RBFOX1: variants seen among roughly 807,000 people sequenced by gnomAD.
RBFOX1 encodes RNA binding fox-1 homolog 1, also known as RNA binding protein fox-1 homolog 1.
Under a neutral mutation model 57.7 loss-of-function variants are expected in RBFOX1, and 8 were observed. The ratio of observed to expected loss-of-function variants is 0.14; its 90% CI spans 0.08 to 0.25. The LOEUF is 0.25. Ranked by LOEUF, RBFOX1 falls within the 10% of genes least tolerant of loss-of-function variation. The pLI is 1.00. For missense variants in RBFOX1, 611 were observed against 548.5 expected, an observed-to-expected ratio of 1.11 and a Z score of -1.14; for synonymous variants, 326 against 222.4, an observed-to-expected ratio of 1.47 and a Z score of -4.15.
At chr16:6,983,202 C>T (rs551035051) in intron 3 of RBFOX1, among the ~76,000 whole-genome samples, 1 of 151,938 alleles carries the variant, frequency 6.6e-6, no homozygotes, top group Non-Finnish European at 1.5e-5. Context: ...TAGTACTCAT[C>T]CTCTGACTCT....
intron 4 of RBFOX1, among the ~76,000 whole-genome samples, chr16:7,348,429 T>C (rs983085771): frequency 1.4e-5 from 2 of 141,480 alleles, no homozygotes; most frequent in African/African-American, 6.1e-5. Context: ...ATATTTTCTG[T>C]TAGGTTTTTA....
chr16:5,847,831 C>T (rs1466496703), intron 3 of RBFOX1, among the ~76,000 whole-genome samples: 1 of 152,020 alleles, frequency 6.6e-6, no homozygotes, highest in Non-Finnish European at 1.5e-5. Context: ...GGTGTTTCGC[C>T]CCATGCTCTG....
intron 3 of RBFOX1, among the ~76,000 whole-genome samples, chr16:6,663,439 C>T (rs1207997139): frequency 6.6e-6 from 1 of 152,136 alleles, no homozygotes; most frequent in Non-Finnish European, 1.5e-5. Context: ...CAGTCTCTTG[C>T]CCCTGGGAGT....
chr16:7,093,709 G>A (rs2061240990), intron 4 of RBFOX1, among the ~76,000 whole-genome samples: 1 of 152,206 alleles, frequency 6.6e-6, no homozygotes, highest in South Asian at 2.1e-4. Context: ...TTGTCTGGCA[G>A]AGGGAGTAAT....
At chr16:6,305,340 G>GT (rs992075109) in intron 1 of RBFOX1, among the ~76,000 whole-genome samples, 30 of 152,206 alleles carry the variant, frequency 2.0e-4, no homozygotes, top group African/African-American at 7.0e-4. Context: ...GCATAGGGAT[G>GT]TCAGTGCAAT....
In RBFOX1 at chr16:6,703,037, T is replaced by C. The variant is rs2154143661; in HGVS notation, c.-16+48387T>C. Reference sequence around the variant, plus strand: ...CATATGGCCCTTGTCCTTTGGTATCTGGCCTATCTCACTTGCCTCAAGGTT... The same window carrying C: ...CATATGGCCCTTGTCCTTTGGTATCCGGCCTATCTCACTTGCCTCAAGGTT... On this transcript the variant is annotated intron_variant, in intron 3 of 15. Transcript: ENST00000550418. 1.3e-5 allele frequency among the ~76,000 whole-genome samples: 2 copies of C among 152,360 alleles called. 1 individual carries two copies. Among genetic ancestry groups the C allele is most frequent in the South Asian group, 4.1e-4 (2 of 4,830 alleles).
intron 1 of RBFOX1, among the ~76,000 whole-genome samples, chr16:6,309,584 C>A (rs1163831219): frequency 2.6e-5 from 4 of 152,076 alleles, no homozygotes; most frequent in African/African-American, 9.7e-5. Flanking sequence ...ACATACCCTA[C>A]AGCCCAAACA....
intron 1 of RBFOX1, among the ~76,000 whole-genome samples, chr16:5,379,743 C>T (rs1323403410): frequency 6.6e-6 from 1 of 152,220 alleles, no homozygotes; most frequent in African/African-American, 2.4e-5. Context: ...GGCTCTTTAT[C>T]TCCCCCTCTG....
chr16:6,502,040 G>A (rs756647833), intron 2 of RBFOX1, among the ~76,000 whole-genome samples: 2 of 152,140 alleles, frequency 1.3e-5, no homozygotes, highest in Non-Finnish European at 2.9e-5. Flanking sequence ...GGTCATGAGG[G>A]TATAACCCTG....
intron 1 of RBFOX1, among the ~76,000 whole-genome samples, chr16:5,310,958 T>C (rs1352613936): frequency 6.6e-6 from 1 of 152,290 alleles, no homozygotes; most frequent in African/African-American, 2.4e-5. Context: ...TAGTGTACAG[T>C]GTACCCAGTA....
intron 1 of RBFOX1, among the ~76,000 whole-genome samples, chr16:5,349,714 C>G (rs191958383): frequency 1.3e-5 from 2 of 152,154 alleles, no homozygotes; most frequent in African/African-American, 4.8e-5. Context: ...TTTCATTTTA[C>G]CTGTTCTTAA....
intron 2 of RBFOX1, among the ~76,000 whole-genome samples, chr16:6,570,461 G>A (rs987586440): frequency 6.6e-6 from 1 of 151,858 alleles, no homozygotes; most frequent in Non-Finnish European, 1.5e-5. Context: ...CTCTAATAAG[G>A]CTCAGAAGAT....
chr16:7,407,731 A>C (rs1244905245), intron 4 of RBFOX1, among the ~76,000 whole-genome samples: 2 of 152,156 alleles, frequency 1.3e-5, no homozygotes, highest in African/African-American at 4.8e-5. Context: ...TAACCTAGAG[A>C]CTGTGCAAGT....
At chr16:6,986,409 G>C (rs1335587250) in intron 3 of RBFOX1, among the ~76,000 whole-genome samples, 32 of 151,954 alleles carry the variant, frequency 2.1e-4, no homozygotes, top group Admixed American at 2.1e-3. Flanking sequence ...ATGTTGGCCA[G>C]GCTGGTCTGG....
intron 4 of RBFOX1, among the ~76,000 whole-genome samples, chr16:7,285,274 T>C (rs1345133695): frequency 6.6e-6 from 1 of 152,038 alleles, no homozygotes; most frequent in Non-Finnish European, 1.5e-5. Flanking sequence ...TTTTCCCCAA[T>C]GGTAACATTT....
chr16:5,859,648 T>C (rs1397029856), intron 3 of RBFOX1, among the ~76,000 whole-genome samples: 2 of 152,104 alleles, frequency 1.3e-5, no homozygotes, highest in East Asian at 1.9e-4. Context: ...AGGATAAAAC[T>C]CTGCCTACCA....
At chr16:5,384,696 A>G (rs965074336) in intron 1 of RBFOX1, among the ~76,000 whole-genome samples, 4 of 152,330 alleles carry the variant, frequency 2.6e-5, no homozygotes, top group Non-Finnish European at 4.4e-5. Context: ...TCACAGGAAA[A>G]TAGCTTCAGG....
At chr16:7,395,889 T>A (rs957847404) in intron 4 of RBFOX1, among the ~76,000 whole-genome samples, 4 of 152,184 alleles carry the variant, frequency 2.6e-5, no homozygotes, top group African/African-American at 9.7e-5. Context: ...ACATAAATGT[T>A]TGTAATAGAG....
intron 3 of RBFOX1, among the ~76,000 whole-genome samples, chr16:6,836,553 G>C (rs534313515): frequency 6.6e-6 from 1 of 152,118 alleles, no homozygotes; most frequent in Non-Finnish European, 1.5e-5. Context: ...ACCTTCAAAT[G>C]GGAACCTTTT....
Sources: allele counts gnomAD v4.1 joint callset (sites outside exome capture counted in the v4.1 genomes callset), GRCh38; gene constraint gnomAD v4.1.1; transcripts MANE v1.5; gene names NCBI Gene and HGNC (gene_info 2026-07-23, HGNC 2026-07-21).